The following FFAR4 variants were observed in gnomAD, a reference collection of about 807,000 sequenced individuals.
The protein encoded by FFAR4 is free fatty acid receptor 4, also known as G-protein coupled receptor 120.
FFAR4 carries 19 observed loss-of-function variants against 27.0 expected under a neutral mutation model. That is an observed-to-expected ratio of 0.70 (90% CI 0.49 to 1.03). The LOEUF (loss-of-function observed/expected upper bound fraction) is 1.03, where lower values mean the gene tolerates loss of function less well. FFAR4 is among the 50% of genes least tolerant of loss of function. The pLI is 0.00. For missense variants in FFAR4, 476 were observed against 479.0 expected, an observed-to-expected ratio of 0.99 and a Z score of 0.06; for synonymous variants, 254 against 215.6, an observed-to-expected ratio of 1.18 and a Z score of -1.56.
In FFAR4 at chr10:93,588,920, G is replaced by C. The variant is rs966389584; in HGVS notation, c.*1311G>C. On this transcript the variant is annotated 3_prime_UTR_variant, in exon 3 of 3. Transcript: ENST00000371481. ...TGAAGAAAATGGGACGGGGGCTATG[G>C]TAGTGATGGGAATTTAGATCAGATG... is the stretch of plus-strand genomic sequence containing the variant. 2.0e-5 allele frequency: 3 copies of C among 152,230 alleles called. No homozygotes were observed. Among genetic ancestry groups the C allele is most frequent in the Admixed American group, 2.0e-4 (3 of 15,282 alleles). The allele number at this position is 152,230 out of a possible 1,614,324, so 9.4% of individuals were successfully genotyped here.
At chr10:93,569,577 A>G (rs2058120467) in intron 1 of FFAR4, among the ~76,000 whole-genome samples, 1 of 152,122 alleles carries the variant, frequency 6.6e-6, no homozygotes, top group Non-Finnish European at 1.5e-5. Flanking sequence ...GGCTGGGCAC[A>G]CAGACCTCCT....
chr10:93,578,012 G>A (rs1288085290), intron 2 of FFAR4, among the ~76,000 whole-genome samples: 2 of 152,158 alleles, frequency 1.3e-5, no homozygotes, highest in Non-Finnish European at 2.9e-5. Context: ...CAAGGGTGCT[G>A]ATATCGAAAG....
chr10:93,579,994 A>G (rs1158670307), intron 2 of FFAR4, among the ~76,000 whole-genome samples: 1 of 152,204 alleles, frequency 6.6e-6, no homozygotes, highest in Non-Finnish European at 1.5e-5. Flanking sequence ...ATTACTTTCC[A>G]CGTTATTAGC....
intron 1 of FFAR4, among the ~76,000 whole-genome samples, chr10:93,570,058 C>CAA (rs554893101): frequency 3.4e-5 from 5 of 145,840 alleles, no homozygotes; most frequent in South Asian, 2.2e-4. Flanking sequence ...GACTCAATCT[C>CAA]AAAAAAAAAA....
At chr10:93,576,304 A>G in intron 2 of FFAR4, 85 bp downstream of exon 2, 1 of 1,448,198 alleles carries the variant, frequency 6.9e-7, no homozygotes. Context: ...GGGTCGGAGA[A>G]CACCTAAGAG....
rs745399516 is a variant in FFAR4, at chr10:93,567,148, T to A, written c.428T>A (p.Leu143Gln). 1 of 1,606,230 alleles carries A rather than the reference T, an allele frequency of 6.2e-7. No homozygotes were observed. The highest frequency in any genetic ancestry group is 1.1e-5 in the South Asian group (1 of 90,714). ...SLERMVCIVH[L>Q]QRGVRGPGRR... Reference sequence around the variant, plus strand: ...GAGCGCATGGTGTGCATCGTGCACCTGCAGCGCGGCGTGCGGGGTCCTGGG... The same window carrying A: ...GAGCGCATGGTGTGCATCGTGCACCAGCAGCGCGGCGTGCGGGGTCCTGGG... Residue 143 changes from leucine (L) to glutamine (Q), a missense_variant, in exon 1 of 3, where the codon CTG becomes CAG. Leu to Gln is a moderately radical substitution (Grantham distance 113). Coordinates refer to ENST00000371481, the MANE Select transcript of FFAR4 (RefSeq NM_001195755.2).
Position 93,567,122 on chromosome 10 carries a change from G to A in FFAR4, c.402G>A (p.Leu134=), listed in dbSNP as rs1160600038. ...TCCTCACGCTGGCCGCGGTCAGCCTGGAGCGCATGGTGTGCATCGTGCACC... is the reference window on the plus strand; with the variant it reads ...TCCTCACGCTGGCCGCGGTCAGCCTAGAGCGCATGGTGTGCATCGTGCACC... ...VTILTLAAVS[L]ERMVCIVHLQ... is the part of the protein sequence containing the mutation. The change falls in exon 1 of 3, where the codon CTG becomes CTA. Residue 134 remains leucine, a synonymous_variant. Transcript: ENST00000371481. 1.2e-6 allele frequency: 2 copies of A among 1,608,368 alleles called. No individual in the cohort carries two copies. Among genetic ancestry groups the A allele is most frequent in the African/African-American group, 2.7e-5 (2 of 74,876 alleles).
chr10:93,585,994 T>A (rs1234209515), intron 2 of FFAR4, among the ~76,000 whole-genome samples: 1 of 152,204 alleles, frequency 6.6e-6, no homozygotes, highest in African/African-American at 2.4e-5. Flanking sequence ...GAAAGGAACC[T>A]AGGGTGGGGT....
At chr10:93,583,540 C>CA (rs2058211573) in intron 2 of FFAR4, among the ~76,000 whole-genome samples, 2 of 152,292 alleles carry the variant, frequency 1.3e-5, no homozygotes, top group Admixed American at 6.5e-5. Context: ...GAATCCTTCT[C>CA]AGAGTTCCTG....
chr10:93,579,191 C>T lies in FFAR4; in HGVS notation c.696+2972C>T, dbSNP rs140807207. 1.9e-3 allele frequency: 3,083 copies of T among 1,613,954 alleles called. 4 individuals are homozygous for T. Among genetic ancestry groups the T allele is most frequent in the Non-Finnish European group, 2.4e-3 (2,874 of 1,179,848 alleles). On this transcript the variant is annotated intron_variant, in intron 2 of 2. Transcript: ENST00000371481. ...AACACCTCCTGGATGCAAGAGCTGT[C>T]GTGACTCACAGTGAGGTAAAAGGGC...
In FFAR4 at chr10:93,566,763, C is replaced by A. The variant is rs778445733; in HGVS notation, c.43C>A (p.Arg15Ser). Residue 15 changes from arginine (R) to serine (S), a missense_variant, in exon 1 of 3, where the codon CGC becomes AGC. Physicochemically the swap from Arg to Ser is moderately radical, Grantham distance 110. Transcript: ENST00000371481. The stretch of plus-strand genomic sequence containing the variant: ...GCGGGCAGCGGGCGACGCGCCCTTG[C>A]GCAGCCTGGAGCAAGCCAACCGCAC... ...CARAAGDAPL[R>S]SLEQANRTRF... 29 of 1,606,178 alleles carry A rather than the reference C, an allele frequency of 1.8e-5. No homozygotes were observed. Among genetic ancestry groups the A allele is most frequent in the Non-Finnish European group, 1.7e-5 (20 of 1,178,590 alleles).
intron 2 of FFAR4, 34 bp from the exon 3 acceptor site, chr10:93,587,186 C>T (rs370082837): frequency 9.5e-6 from 15 of 1,582,572 alleles, no homozygotes; most frequent in African/African-American, 1.3e-5. Context: ...CCCTCGGTCA[C>T]CTGTGGCTCC....
chr10:93,583,246 CAAAAAAAA>C (rs56030960), intron 2 of FFAR4, among the ~76,000 whole-genome samples: 2 of 102,288 alleles, frequency 2.0e-5, no homozygotes, highest in African/African-American at 3.2e-5. Context: ...ACTAAAAATA[CAAAAAAAA>C]AAAAAAAAAA....
chr10:93,579,555 T>C (rs1423966349), intron 2 of FFAR4, among the ~76,000 whole-genome samples: 6 of 152,206 alleles, frequency 3.9e-5, no homozygotes, highest in African/African-American at 1.4e-4. Context: ...TTCAAACACT[T>C]ACTACACCTG....
intron 2 of FFAR4, among the ~76,000 whole-genome samples, chr10:93,581,356 G>T (rs2058196208): frequency 6.6e-6 from 1 of 152,224 alleles, no homozygotes; most frequent in South Asian, 2.1e-4. Flanking sequence ...GGTCGTGGAA[G>T]GGTAGGTGGA....
chr10:93,574,377 T>C (rs1390580244), intron 1 of FFAR4, among the ~76,000 whole-genome samples: 2 of 152,162 alleles, frequency 1.3e-5, no homozygotes. Context: ...TTAAAATTTT[T>C]CCATCACAAG....
rs561412091 is a variant in FFAR4 at position 93,587,243 on chromosome 10, G to T, written c.720G>T (p.Arg240Ser). 1.9e-6 allele frequency: 3 copies of T among 1,613,906 alleles called. No individual in the cohort carries two copies. The highest frequency in any genetic ancestry group is 2.2e-5 in the South Asian group (2 of 91,060). ...ILQITKASRK[R>S]LTVSLAYSES... is the part of the protein sequence containing the mutation. ...AGATCACAAAGGCATCAAGGAAGAG[G>T]CTCACGGTAAGCCTGGCCTACTCGG... Residue 240 changes from arginine to serine, a missense_variant, in exon 3 of 3, where the codon AGG becomes AGT. Transcript: ENST00000371481.
intron 2 of FFAR4, among the ~76,000 whole-genome samples, chr10:93,586,606 C>G (rs905978641): frequency 6.6e-6 from 1 of 152,184 alleles, no homozygotes; most frequent in Non-Finnish European, 1.5e-5. Context: ...GAATGAAGTG[C>G]CTTCTCTGTG....
At chr10:93,583,125 G>A (rs550542239) in intron 2 of FFAR4, among the ~76,000 whole-genome samples, 6 of 151,628 alleles carry the variant, frequency 4.0e-5, no homozygotes, top group South Asian at 4.2e-4. Context: ...CGCCTGGGCC[G>A]GGCGCGGTGG....
Sources: gnomAD v4.1 joint callset for allele counts (sites outside exome capture counted in the v4.1 genomes callset) on GRCh38, gnomAD v4.1.1 for gene constraint, MANE v1.5 for transcripts, NCBI Gene and HGNC (gene_info 2026-07-23, HGNC 2026-07-21) for gene names.